Variants in KIF1A observed in about 807,000 individuals in gnomAD.
KIF1A encodes kinesin family member 1A.
Under a neutral mutation model 227.3 loss-of-function variants are expected in KIF1A, and 46 were observed. The ratio of observed to expected loss-of-function variants is 0.20; its 90% CI spans 0.16 to 0.26. The LOEUF (loss-of-function observed/expected upper bound fraction) is 0.26, where lower values mean the gene tolerates loss of function less well. Among genes scored for constraint, KIF1A ranks in the 10% least tolerant of loss-of-function variants. The pLI, the probability that KIF1A is intolerant of heterozygous loss-of-function variation, is 1.00. For missense variants in KIF1A, 1,683 were observed against 2,485.9 expected, an observed-to-expected ratio of 0.68 and a Z score of 6.87; for synonymous variants, 1,022 against 1,012.8, an observed-to-expected ratio of 1.01 and a Z score of -0.17.
chr2:240,784,811 TG>T (rs2054503456), intron 7 of KIF1A, among the ~76,000 whole-genome samples, 177 bp downstream of exon 7: 1 of 113,550 alleles, frequency 8.8e-6, no homozygotes, highest in African/African-American at 3.8e-5. Context: ...GAAGGGCCTC[TG>T]GGGCGGGGGG....
intron 9 of KIF1A, 89 bp from the exon 10 acceptor site, chr2:240,782,696 C>G (rs1476251133): frequency 7.3e-7 from 1 of 1,361,272 alleles, no homozygotes; most frequent in African/African-American, 1.4e-5. Flanking sequence ...CCGGCTGCCT[C>G]GCCCTGGCCA....
intron 11 of KIF1A, 83 bp from the exon 12 acceptor site, chr2:240,774,344 C>A: frequency 5.7e-6 from 5 of 874,190 alleles, no homozygotes; most frequent in Non-Finnish European, 9.3e-6. Flanking sequence ...CCCACATTTA[C>A]AGATGGGGAG....
In KIF1A at chr2:240,757,337, A is replaced by G; in HGVS notation, c.2840T>C (p.Leu947Pro). ...CACCAACCTTCCTACTAAACTGAAC[A>G]GGGGGGGCCGGTCGTAAAACGGGTC... is the stretch of plus-strand genomic sequence containing the variant. ...GRDPFYDRPP[L>P]FSLVGRAFVY... is the part of the protein sequence containing the mutation. The change falls in exon 27 of 49, where the codon CTG becomes CCG. Residue 947 changes from leucine to proline, a missense_variant. Leu to Pro is a moderately conservative substitution (Grantham distance 98). Coordinates refer to ENST00000498729, the MANE Select transcript of KIF1A (RefSeq NM_001244008.2). The surrounding 1 kb of genome is among the most constrained non-coding windows in gnomAD (Gnocchi z 6.2). 1.3e-6 allele frequency: 2 copies of G among 1,550,512 alleles called. No individual in the cohort carries two copies. The highest frequency in any genetic ancestry group is 1.7e-6 in the Non-Finnish European group (2 of 1,146,970).
At chr2:240,732,633 G>A (rs1421864621) in intron 38 of KIF1A, among the ~76,000 whole-genome samples, 1 of 115,078 alleles carries the variant, frequency 8.7e-6, no homozygotes, top group Non-Finnish European at 1.8e-5. Context: ...ATGAGGAGAT[G>A]AGGGAATGAG....
At position 240,746,109 on chromosome 2, in the gene KIF1A, G is replaced by A. The variant is rs373045276; in HGVS notation, c.3132C>T (p.Ile1044=). ...CTGCACCCTGGCCCTGGCCCTCCACGATGCGAAGCTCTTCCTGGGAGGTTC... is the reference window on the plus strand; with the variant it reads ...CTGCACCCTGGCCCTGGCCCTCCACAATGCGAAGCTCTTCCTGGGAGGTTC... ...RSGTSQEELR[I]VEGQGQGADV... is the part of the protein sequence containing the mutation. Residue 1044 remains isoleucine (I), a synonymous_variant, in exon 30 of 49, where the codon ATC becomes ATT. Coordinates refer to ENST00000498729, the MANE Select transcript of KIF1A (RefSeq NM_001244008.2). The A allele has an allele frequency of 2.3e-5, 37 of 1,582,944 alleles. No individual in the cohort carries two copies. In the African/African-American group the frequency reaches 3.9e-4, roughly 17 times the overall value.
rs867111157 is a variant in KIF1A at position 240,739,959 on chromosome 2, C to T, written c.3901+99G>A. The T allele has an allele frequency of 5.2e-5, 45 of 867,490 alleles. No homozygotes were observed. Among genetic ancestry groups the T allele is most frequent in the South Asian group, 1.3e-4 (9 of 66,688 alleles). The allele number at this position is 867,490 out of a possible 1,614,324, so 53.7% of individuals were successfully genotyped here. A position where few individuals can be genotyped will look rare whatever the true frequency, so the allele number is the denominator to read the frequency against. On this transcript the variant is annotated intron_variant, in intron 37 of 48. Coordinates refer to ENST00000498729, the MANE Select transcript of KIF1A (RefSeq NM_001244008.2). The surrounding 1 kb of genome is among the most constrained non-coding windows in gnomAD (Gnocchi z 5.6). ...CCGGCCAGGGTCACGCAGCAACAGA[C>T]GCAGAGGTGTGGTTAGAACCCGGGT...
chr2:240,745,701 T>G, intron 31 of KIF1A, 37 bp downstream of exon 31: 1 of 1,599,574 alleles, frequency 6.3e-7, no homozygotes, highest in Non-Finnish European at 8.5e-7. Context: ...ACAGAGTCCC[T>G]GCGCAGCGCA....
chr2:240,722,396 A>C, intron 43 of KIF1A, 60 bp downstream of exon 43: 1 of 1,487,238 alleles, frequency 6.7e-7, no homozygotes, highest in South Asian at 1.2e-5. Flanking sequence ...TTGCCCAGAA[A>C]TGACTCAGGG....
intron 1 of KIF1A, among the ~76,000 whole-genome samples, chr2:240,807,857 A>G (rs2057555971): frequency 6.6e-6 from 1 of 152,240 alleles, no homozygotes; most frequent in Non-Finnish European, 1.5e-5. Context: ...ATAGCTTGAC[A>G]TTAGGATAGC....
intron 12 of KIF1A, 127 bp from the exon 13 acceptor site, chr2:240,773,383 G>A (rs2052277189): frequency 2.6e-6 from 3 of 1,152,990 alleles, no homozygotes; most frequent in Non-Finnish European, 3.7e-6. Flanking sequence ...AGGTGGACCT[G>A]AGCCAGCACA....
Position 240,725,086 on chromosome 2 carries a change from CCA to C in KIF1A, c.4256+183_4256+184del. Among the ~76,000 whole-genome samples, 2 of 152,216 alleles carry C rather than the reference CCA, an allele frequency of 1.3e-5. No homozygotes were observed. The highest frequency in any genetic ancestry group is 6.8e-3 in the Middle Eastern group (2 of 294). ...GTGTCCCCTGCAGGAACCATGGCCT[CCA>C]CAGAGTCTTCATCTAGGGTGAGCAG... On this transcript the variant is annotated intron_variant, in intron 40 of 48. Transcript: ENST00000498729. The surrounding 1 kb of genome is among the most constrained non-coding windows in gnomAD (Gnocchi z 5.8).
In KIF1A at chr2:240,740,399, C is replaced by T. The variant is rs765437966; in HGVS notation, c.3750-35G>A. 12 of 1,573,942 alleles carry T rather than the reference C, an allele frequency of 7.6e-6. No individual in the cohort carries two copies. Among genetic ancestry groups the T allele is most frequent in the African/African-American group, 1.4e-5 (1 of 74,056 alleles). On this transcript the variant is annotated intron_variant, in intron 35 of 48. Transcript: ENST00000498729. The surrounding 1 kb of genome is among the most constrained non-coding windows in gnomAD (Gnocchi z 6.1). ...AGAGACACATGTGAGGAGCGGCCAG[C>T]CCCTCCTCTCTGCCCTCCCCGCAGC...
rs1027637902 is a variant in KIF1A at position 240,790,491 on chromosome 2, C to T, written c.107-1179G>A. On this transcript the variant is annotated intron_variant, in intron 2 of 48. Transcript: ENST00000498729. The surrounding 1 kb of genome is among the most constrained non-coding windows in gnomAD (Gnocchi z 5.0). ...CCGCACCCTCCGTGCCAGCATGCAC[C>T]CTGGGGACCTGCCACCAGGACCACG... Among the ~76,000 whole-genome samples, 7 of 152,080 alleles carry T rather than the reference C, an allele frequency of 4.6e-5. No homozygotes were observed. The highest frequency in any genetic ancestry group is 1.5e-5 in the Non-Finnish European group (1 of 68,018).
intron 2 of KIF1A, among the ~76,000 whole-genome samples, chr2:240,795,111 T>C (rs2056216840): frequency 1.3e-5 from 2 of 152,120 alleles, no homozygotes; most frequent in Non-Finnish European, 2.9e-5. Flanking sequence ...TTGCATATGT[T>C]CATCTTTGAG....
intron 15 of KIF1A, 101 bp downstream of exon 15, chr2:240,770,870 T>C: frequency 2.8e-6 from 4 of 1,405,482 alleles, no homozygotes; most frequent in Non-Finnish European, 3.9e-6. Context: ...AATGGCCCTA[T>C]GAGGATGGGC....
chr2:240,723,668 G>A, intron 41 of KIF1A, 110 bp from the exon 42 acceptor site: 1 of 1,273,990 alleles, frequency 7.8e-7, no homozygotes, highest in Non-Finnish European at 1.1e-6. Context: ...GAGTGGAGAT[G>A]GGCTTCCCCT....
chr2:240,761,678 T>C (rs1200160273), intron 23 of KIF1A, among the ~76,000 whole-genome samples: 1 of 152,060 alleles, frequency 6.6e-6, no homozygotes, highest in Non-Finnish European at 1.5e-5. Flanking sequence ...ACACTAACTA[T>C]TTGGGTACAC....
In KIF1A at chr2:240,740,391, G is replaced by A; in HGVS notation, c.3750-27C>T. On this transcript the variant is annotated intron_variant, in intron 35 of 48. Coordinates refer to ENST00000498729, the MANE Select transcript of KIF1A (RefSeq NM_001244008.2). This position sits in a 1 kb window ranked among gnomAD's most constrained non-coding sequence, Gnocchi z 6.1. ...TGGAAGAGAGAGACACATGTGAGGAGCGGCCAGCCCCTCCTCTCTGCCCTC... is the reference window on the plus strand; with the variant it reads ...TGGAAGAGAGAGACACATGTGAGGAACGGCCAGCCCCTCCTCTCTGCCCTC... 1 of 1,602,828 alleles carries A rather than the reference G, an allele frequency of 6.2e-7. No individual in the cohort carries two copies. The highest frequency in any genetic ancestry group is 8.5e-7 in the Non-Finnish European group (1 of 1,170,016).
At chr2:240,755,460 G>A (rs1033463307) in intron 27 of KIF1A, among the ~76,000 whole-genome samples, 2 of 152,294 alleles carry the variant, frequency 1.3e-5, no homozygotes, top group African/African-American at 2.4e-5. Context: ...CCCCAATTTC[G>A]CTGAAGCTTT....
Sources: gnomAD v4.1 joint callset for allele counts (sites outside exome capture counted in the v4.1 genomes callset) on GRCh38, gnomAD v4.1.1 for gene constraint, Gnocchi (gnomAD v3.1) non-coding constraint, MANE v1.5 for transcripts, NCBI Gene and HGNC (gene_info 2026-07-23, HGNC 2026-07-21) for gene names.